Variants in KCNIP4 observed in about 807,000 individuals in gnomAD.
KCNIP4 encodes the protein potassium voltage-gated channel interacting protein 4.
In KCNIP4, 12 loss-of-function variants were observed where a neutral mutation model predicts 34.0. The ratio of observed to expected loss-of-function variants is 0.35; its 90% CI spans 0.23 to 0.57. KCNIP4 has a LOEUF of 0.57. Among genes scored for constraint, KCNIP4 ranks in the 20% least tolerant of loss-of-function variants. KCNIP4 has a pLI of 0.83. For missense variants in KCNIP4, 238 were observed against 311.7 expected, an observed-to-expected ratio of 0.76 and a Z score of 1.78; for synonymous variants, 124 against 102.2, an observed-to-expected ratio of 1.21 and a Z score of -1.29.
At chr4:21,717,024 T>C (rs1458348654) in intron 1 of KCNIP4, among the ~76,000 whole-genome samples, 5 of 152,104 alleles carry the variant, frequency 3.3e-5, no homozygotes, top group African/African-American at 1.2e-4. Context: ...ATCTGATGGG[T>C]TTCAGGGATG....
chr4:21,435,682 A>C (rs1347373251), intron 1 of KCNIP4, among the ~76,000 whole-genome samples: 1 of 152,230 alleles, frequency 6.6e-6, no homozygotes, highest in East Asian at 1.9e-4. Context: ...CTTTTAATAA[A>C]GGCACATTTT....
chr4:21,418,372 C>T (rs1015397721), intron 1 of KCNIP4, among the ~76,000 whole-genome samples: 1 of 152,132 alleles, frequency 6.6e-6, no homozygotes, highest in African/African-American at 2.4e-5. Context: ...TGGCAAAAGC[C>T]TATAGTCCTA....
intron 1 of KCNIP4, among the ~76,000 whole-genome samples, chr4:20,947,616 G>A (rs192255085): frequency 2.4e-4 from 36 of 152,194 alleles, no homozygotes; most frequent in Non-Finnish European, 3.1e-4. Context: ...GATTATTGCC[G>A]CTGATTAAAA....
chr4:21,075,871 A>T (rs1745442894), intron 1 of KCNIP4, among the ~76,000 whole-genome samples: 1 of 152,102 alleles, frequency 6.6e-6, no homozygotes, highest in Admixed American at 6.6e-5. Flanking sequence ...TTGTCTGTAA[A>T]GGATTTTATT....
At chr4:21,158,686 G>T (rs770295218) in intron 1 of KCNIP4, among the ~76,000 whole-genome samples, 1 of 152,024 alleles carries the variant, frequency 6.6e-6, no homozygotes, top group Non-Finnish European at 1.5e-5. Flanking sequence ...CTAATTTAAT[G>T]GTTATATTTA....
intron 1 of KCNIP4, among the ~76,000 whole-genome samples, chr4:21,330,253 T>C (rs1452497050): frequency 6.6e-6 from 1 of 152,144 alleles, no homozygotes; most frequent in Non-Finnish European, 1.5e-5. Context: ...TTCTTACAAA[T>C]GTACAATTAA....
At chr4:20,731,643 T>C (rs746595807) in intron 8 of KCNIP4, 6 of 985,178 alleles carry the variant, frequency 6.1e-6, no homozygotes, top group Admixed American at 6.2e-5. Flanking sequence ...GGAATTCTAA[T>C]GCTGTGGAGA....
intron 1 of KCNIP4, among the ~76,000 whole-genome samples, chr4:21,397,660 A>G (rs1160286463): frequency 6.6e-6 from 1 of 152,214 alleles, no homozygotes; most frequent in African/African-American, 2.4e-5. Context: ...TAAATATAAC[A>G]TTGCTTCTGC....
intron 1 of KCNIP4, among the ~76,000 whole-genome samples, chr4:21,532,138 A>G (rs749750330): frequency 7.2e-5 from 11 of 152,156 alleles, no homozygotes; most frequent in Non-Finnish European, 1.2e-4. Flanking sequence ...TGTGATAGAG[A>G]AAAAGGAATA....
chr4:21,773,767 GT>G (rs373554454), intron 1 of KCNIP4, among the ~76,000 whole-genome samples: 7 of 138,350 alleles, frequency 5.1e-5, no homozygotes, highest in African/African-American at 2.1e-4. Context: ...TTGTTTGTTT[GT>G]TTTTGTTTTG....
chr4:21,620,557 G>C (rs545765150), intron 1 of KCNIP4, among the ~76,000 whole-genome samples: 76 of 152,216 alleles, frequency 5.0e-4, no homozygotes, highest in African/African-American at 1.7e-3. Context: ...AATATTATTA[G>C]AGTTTTACCC....
chr4:21,723,074 T>C (rs1218343302), intron 1 of KCNIP4, among the ~76,000 whole-genome samples: 2 of 152,096 alleles, frequency 1.3e-5, no homozygotes, highest in South Asian at 2.1e-4. Context: ...AATTTAACAA[T>C]ATAGAAAGAT....
intron 1 of KCNIP4, among the ~76,000 whole-genome samples, chr4:21,587,308 C>T (rs975073144): frequency 5.9e-5 from 9 of 151,972 alleles, no homozygotes; most frequent in Non-Finnish European, 1.2e-4. Flanking sequence ...TGACCTATCT[C>T]CTGAAGCTAC....
chr4:20,937,014 C>G (rs1041084135), intron 1 of KCNIP4, among the ~76,000 whole-genome samples: 1 of 151,764 alleles, frequency 6.6e-6, no homozygotes, highest in Non-Finnish European at 1.5e-5. Context: ...TCTTGGTGTC[C>G]GTTCTACTCT....
At chr4:21,326,761 C>G (rs1187011653) in intron 1 of KCNIP4, among the ~76,000 whole-genome samples, 1 of 150,644 alleles carries the variant, frequency 6.6e-6, no homozygotes, top group Non-Finnish European at 1.5e-5. Flanking sequence ...AGGTGTTTTT[C>G]TCTGGTGGTA....
intron 3 of KCNIP4, among the ~76,000 whole-genome samples, chr4:20,822,290 A>C (rs974935244): frequency 2.0e-5 from 3 of 152,210 alleles, no homozygotes; most frequent in Admixed American, 2.0e-4. Flanking sequence ...GAAAATATAC[A>C]AACAAATGGC....
chr4:20,869,714 G>T (rs921784057), intron 2 of KCNIP4, among the ~76,000 whole-genome samples: 2 of 151,976 alleles, frequency 1.3e-5, no homozygotes, highest in Non-Finnish European at 2.9e-5. Context: ...TGAATTACTG[G>T]CAGGCAGTAA....
intron 1 of KCNIP4, among the ~76,000 whole-genome samples, chr4:21,241,780 C>T (rs1759832914): frequency 6.6e-6 from 1 of 152,120 alleles, no homozygotes; most frequent in African/African-American, 2.4e-5. Context: ...GAGTCCTAGG[C>T]CTCTTTTCTT....
intron 1 of KCNIP4, among the ~76,000 whole-genome samples, chr4:20,963,933 C>G (rs77568159): frequency 0.019 from 2,890 of 152,192 alleles, 92 homozygotes; most frequent in African/African-American, 0.066. Context: ...GTGCCAACCT[C>G]TCCACATGGT....
Sources: gnomAD v4.1 joint callset for allele counts (sites outside exome capture counted in the v4.1 genomes callset) on GRCh38, gnomAD v4.1.1 for gene constraint, MANE v1.5 for transcripts, NCBI Gene and HGNC (gene_info 2026-07-23, HGNC 2026-07-21) for gene names.